EPB41L2: variants seen among roughly 807,000 people sequenced by gnomAD.
EPB41L2 encodes the protein band 4.1-like protein 2.
Under a neutral mutation model 113.0 loss-of-function variants are expected in EPB41L2, and 43 were observed. The ratio of observed to expected loss-of-function variants is 0.38; its 90% confidence interval spans 0.30 to 0.49. The LOEUF (loss-of-function observed/expected upper bound fraction) is 0.49. EPB41L2 is among the 20% of genes least tolerant of loss of function. EPB41L2 has a pLI of 0.95. For synonymous variants in EPB41L2, 442 were observed against 436.7 expected (o/e 1.01, Z -0.15); for missense variants, 1,147 against 1,223.4 (o/e 0.94, Z 0.93).
At chr6:130,924,029 T>C (rs1243061248) in intron 4 of EPB41L2, among the ~76,000 whole-genome samples, 2 of 152,174 alleles carry the variant, frequency 1.3e-5, no homozygotes, top group Non-Finnish European at 2.9e-5. Flanking sequence ...TTTGTTTCTA[T>C]GAGTCTGACT....
chr6:131,055,868 G>A (rs1333152674), intron 1 of EPB41L2, among the ~76,000 whole-genome samples: 2 of 151,938 alleles, frequency 1.3e-5, no homozygotes, highest in African/African-American at 4.8e-5. Context: ...TTTTTACATG[G>A]TTATTGATTA....
At chr6:130,934,317 T>C (rs1808012258) in intron 3 of EPB41L2, among the ~76,000 whole-genome samples, 1 of 152,170 alleles carries the variant, frequency 6.6e-6, no homozygotes, top group Non-Finnish European at 1.5e-5. Context: ...GACATTGATA[T>C]AGTAAAGGAA....
chr6:130,999,591 C>A (rs1404069070), intron 1 of EPB41L2, among the ~76,000 whole-genome samples: 1 of 152,142 alleles, frequency 6.6e-6, no homozygotes, highest in African/African-American at 2.4e-5. Flanking sequence ...ACTATCTTCA[C>A]CCTGCATGAT....
At chr6:130,952,668 G>A (rs897519372) in intron 3 of EPB41L2, among the ~76,000 whole-genome samples, 1 of 152,010 alleles carries the variant, frequency 6.6e-6, no homozygotes, top group Non-Finnish European at 1.5e-5. Flanking sequence ...AAATTAGCTG[G>A]GTGTGGTGGC....
At chr6:130,964,510 C>T (rs897835095) in intron 1 of EPB41L2, among the ~76,000 whole-genome samples, 1 of 147,286 alleles carries the variant, frequency 6.8e-6, no homozygotes, top group Admixed American at 6.8e-5. Flanking sequence ...AAAAAGGATA[C>T]AAAATGTACT....
intron 1 of EPB41L2, among the ~76,000 whole-genome samples, chr6:130,976,861 G>A (rs1255485680): frequency 6.6e-6 from 1 of 152,114 alleles, no homozygotes; most frequent in Non-Finnish European, 1.5e-5. Context: ...CCAGACACTG[G>A]TCTAGGCCCT....
At chr6:130,901,285 T>C (rs780494643) in intron 6 of EPB41L2, 105 bp from the exon 7 acceptor site, 6 of 888,320 alleles carry the variant, frequency 6.8e-6, no homozygotes, top group South Asian at 1.6e-5. Context: ...AAATATACAA[T>C]ATAGGCACTC....
intron 15 of EPB41L2, 145 bp downstream of exon 15, chr6:130,869,418 G>C: frequency 1.3e-6 from 1 of 783,766 alleles, no homozygotes; most frequent in Non-Finnish European, 2.0e-6. Context: ...ACAAAGCAGT[G>C]CTTCCCCCTT....
intron 4 of EPB41L2, among the ~76,000 whole-genome samples, chr6:130,918,117 C>T (rs1052323580): frequency 6.6e-6 from 1 of 152,162 alleles, no homozygotes; most frequent in African/African-American, 2.4e-5. Context: ...ATTCACTACA[C>T]ATCTGGGAGA....
intron 1 of EPB41L2, among the ~76,000 whole-genome samples, chr6:131,028,543 A>G (rs1464103476): frequency 1.3e-5 from 2 of 152,234 alleles, no homozygotes; most frequent in African/African-American, 4.8e-5. Flanking sequence ...CATACTTTGA[A>G]CACTATAATA....
At chr6:130,886,441 C>A (rs1034531433) in intron 11 of EPB41L2, among the ~76,000 whole-genome samples, 1 of 152,170 alleles carries the variant, frequency 6.6e-6, no homozygotes, top group Non-Finnish European at 1.5e-5. Context: ...GCAAGTCCAA[C>A]AAGGTCCTTG....
chr6:130,983,982 C>T (rs977594859), intron 1 of EPB41L2, among the ~76,000 whole-genome samples: 13 of 152,146 alleles, frequency 8.5e-5, no homozygotes, highest in African/African-American at 2.7e-4. Flanking sequence ...AAAATGCAAA[C>T]ATATTGTACA....
intron 11 of EPB41L2, among the ~76,000 whole-genome samples, chr6:130,887,516 T>C (rs1791443910): frequency 6.6e-6 from 1 of 152,222 alleles, no homozygotes; most frequent in Non-Finnish European, 1.5e-5. Context: ...TTCTTCACCA[T>C]GGCCTCCAAG....
intron 3 of EPB41L2, among the ~76,000 whole-genome samples, chr6:130,944,172 T>TACACACACAC (rs869217556): frequency 1.3e-4 from 16 of 125,548 alleles, no homozygotes; most frequent in East Asian, 4.6e-4. Flanking sequence ...TACACACACA[T>TACACACACAC]ACACACACAC....
chr6:130,852,700 G>A (rs1039420827), intron 19 of EPB41L2, among the ~76,000 whole-genome samples: 27 of 152,128 alleles, frequency 1.8e-4, no homozygotes, highest in Admixed American at 1.0e-3. Context: ...AAACACAGGA[G>A]GAGCAACCCC....
chr6:130,995,554 G>A (rs140054630), intron 1 of EPB41L2, among the ~76,000 whole-genome samples: 3 of 152,160 alleles, frequency 2.0e-5, no homozygotes, highest in East Asian at 1.9e-4. Flanking sequence ...TGACCACCAC[G>A]GGCACATGTC....
chr6:130,978,358 T>C (rs993520234), intron 1 of EPB41L2, among the ~76,000 whole-genome samples: 3 of 152,220 alleles, frequency 2.0e-5, no homozygotes, highest in Admixed American at 6.5e-5. Context: ...CTATCCTCCT[T>C]CTGCCTGATA....
intron 1 of EPB41L2, among the ~76,000 whole-genome samples, chr6:131,039,709 A>G (rs1315408185): frequency 1.3e-5 from 2 of 152,212 alleles, no homozygotes; most frequent in East Asian, 1.9e-4. Context: ...AAAAGGATAC[A>G]GGAGCCAGTT....
chr6:131,018,413 G>A (rs965350435), intron 1 of EPB41L2, among the ~76,000 whole-genome samples: 3 of 152,066 alleles, frequency 2.0e-5, no homozygotes, highest in African/African-American at 4.8e-5. Flanking sequence ...CAAAATCAGG[G>A]TTGTGTTGGT....
Sources: gnomAD v4.1 joint callset for allele counts (sites outside exome capture counted in the v4.1 genomes callset) on GRCh38, gnomAD v4.1.1 for gene constraint, MANE v1.5 for transcripts, NCBI Gene and HGNC (gene_info 2026-07-23, HGNC 2026-07-21) for gene names.